The following NR3C2 variants were observed in gnomAD, a reference collection of about 807,000 sequenced individuals.
The protein encoded by NR3C2 is mineralocorticoid receptor.
NR3C2 carries 15 observed loss-of-function variants against 86.4 expected under a neutral mutation model. The observed-to-expected ratio is 0.17, with a 90% confidence interval of 0.12 to 0.27. The LOEUF (loss-of-function observed/expected upper bound fraction) is 0.27. NR3C2 is among the 10% of genes least tolerant of loss of function. NR3C2 has a pLI of 1.00. For missense variants in NR3C2, 960 were observed against 1,195.6 expected (o/e 0.80, Z 2.91); for synonymous variants, 458 against 450.5 (o/e 1.02, Z -0.21).
chr4:148,334,620 A>C (rs1418666893), intron 2 of NR3C2, among the ~76,000 whole-genome samples: 1 of 152,214 alleles, frequency 6.6e-6, no homozygotes, highest in Non-Finnish European at 1.5e-5. Context: ...TGTGGCCATA[A>C]TATGTTCTAG....
At chr4:148,237,167 G>C (rs1259804955) in intron 3 of NR3C2, among the ~76,000 whole-genome samples, 1 of 152,144 alleles carries the variant, frequency 6.6e-6, no homozygotes, top group African/African-American at 2.4e-5. Flanking sequence ...ACCAAACTGT[G>C]AAATTTGGGG....
chr4:148,419,194 A>G (rs570614410), intron 2 of NR3C2, among the ~76,000 whole-genome samples: 1 of 152,262 alleles, frequency 6.6e-6, no homozygotes, highest in Non-Finnish European at 1.5e-5. Flanking sequence ...ACTGGTGAAC[A>G]AACAACTCAA....
rs943905175 is a variant in NR3C2, at chr4:148,387,683, G to A, written c.1757+47421C>T. Among the ~76,000 whole-genome samples, 8 of 152,126 alleles carry A rather than the reference G, an allele frequency of 5.3e-5. No homozygotes were observed. The South Asian group carries it at 6.2e-4, about 12-fold the overall frequency. On this transcript the variant is annotated intron_variant, in intron 2 of 8. Transcript: ENST00000358102. ...CCCTGTAAAATACACTCATCTCAACGCATAAAGTGTTAAAAATGGTTGTAT... is the reference window on the plus strand; with the variant it reads ...CCCTGTAAAATACACTCATCTCAACACATAAAGTGTTAAAAATGGTTGTAT...
chr4:148,436,086 A>G lies in NR3C2; in HGVS notation c.775T>C (p.Ser259Pro). 1.9e-6 allele frequency: 3 copies of G among 1,614,086 alleles called. No individual in the cohort carries two copies. The highest frequency in any genetic ancestry group is 2.5e-6 in the Non-Finnish European group (3 of 1,180,006). The change falls in exon 2 of 9, where the codon TCT (serine) becomes CCT (proline). Residue 259 changes from serine to proline, a missense_variant. Around this residue, in one of 4 missense-constraint regions of NR3C2, gnomAD observed 680 missense variants for 719.0 expected, o/e 0.95. Transcript: ENST00000358102. ...CTACTTAACGGACTTGAGAGAGGAG[A>G]GCCCACATTGCTAGCATGTGCAGGG... ...HSPAHASNVGSPLSSPLSSMK... is the reference protein window; with the variant it reads ...HSPAHASNVGPPLSSPLSSMK...
chr4:148,402,615 T>C (rs1748223936), intron 2 of NR3C2, among the ~76,000 whole-genome samples: 2 of 152,216 alleles, frequency 1.3e-5, no homozygotes. Flanking sequence ...ATTATTTTTG[T>C]ATATGAACAC....
chr4:148,225,746 CAAA>C (rs2149832769), intron 3 of NR3C2, among the ~76,000 whole-genome samples: 1 of 152,076 alleles, frequency 6.6e-6, no homozygotes, highest in East Asian at 1.9e-4. Context: ...TTTTTATTAA[CAAA>C]AACCACATTC....
At chr4:148,339,417 T>C (rs72656820) in intron 2 of NR3C2, among the ~76,000 whole-genome samples, 7 of 152,182 alleles carry the variant, frequency 4.6e-5, no homozygotes, top group African/African-American at 1.7e-4. Flanking sequence ...TAGCTAAACA[T>C]TAACCCTAGA....
intron 2 of NR3C2, among the ~76,000 whole-genome samples, chr4:148,352,437 C>G (rs1185860308): frequency 6.8e-6 from 1 of 146,356 alleles, no homozygotes; most frequent in Non-Finnish European, 1.5e-5. Context: ...TCTCCTTGTT[C>G]ATCTAGCCAA....
chr4:148,130,646 C>T (rs1384316335), intron 6 of NR3C2, among the ~76,000 whole-genome samples: 1 of 152,018 alleles, frequency 6.6e-6, no homozygotes, highest in African/African-American at 2.4e-5. Context: ...TGGCAATAAA[C>T]AGGAACAGGT....
chr4:148,252,848 C>T (rs532441746), intron 3 of NR3C2, among the ~76,000 whole-genome samples: 1 of 152,200 alleles, frequency 6.6e-6, no homozygotes, highest in Non-Finnish European at 1.5e-5. Flanking sequence ...TTCATTTTGA[C>T]TCATGGAAAT....
Position 148,435,207 on chromosome 4 carries a change from G to C in NR3C2, c.1654C>G (p.Pro552Ala). ...QSFQHLSSFP[P>A]VNTLVESWKS... ...CATGACTCCACTAAAGTATTGACAGGAGGAAAGGAACTCAGGTGTTGGAAA... is the reference window on the plus strand; with the variant it reads ...CATGACTCCACTAAAGTATTGACAGCAGGAAAGGAACTCAGGTGTTGGAAA... Residue 552 changes from proline (P) to alanine (A), a missense_variant, in exon 2 of 9, where the codon CCT becomes GCT. Pro to Ala is a conservative substitution (Grantham distance 27, BLOSUM62 -1). This residue lies in a region of NR3C2 where 680 missense variants were observed against 719.0 expected (regional missense o/e 0.95). Transcript: ENST00000358102. 1 of 1,614,186 alleles carries C rather than the reference G, an allele frequency of 6.2e-7. No homozygotes were observed. The highest frequency in any genetic ancestry group is 1.1e-5 in the South Asian group (1 of 91,088).
intron 1 of NR3C2, among the ~76,000 whole-genome samples, chr4:148,440,387 C>T (rs1750276914): frequency 6.6e-6 from 1 of 152,224 alleles, no homozygotes; most frequent in Admixed American, 6.5e-5. Context: ...CCTGTACTAA[C>T]TAGTGAATAC....
At chr4:148,356,134 A>T (rs1275883672) in intron 2 of NR3C2, among the ~76,000 whole-genome samples, 1 of 152,236 alleles carries the variant, frequency 6.6e-6, no homozygotes, top group Non-Finnish European at 1.5e-5. Flanking sequence ...ATGCAAGGGA[A>T]TGAAAAGAGA....
At chr4:148,385,394 T>G (rs941448952) in intron 2 of NR3C2, among the ~76,000 whole-genome samples, 5 of 152,244 alleles carry the variant, frequency 3.3e-5, no homozygotes, top group Non-Finnish European at 7.3e-5. Flanking sequence ...TAGAATGTTT[T>G]AGTTTGAAGC....
At chr4:148,260,880 T>C (rs1036733515) in intron 2 of NR3C2, among the ~76,000 whole-genome samples, 1 of 152,188 alleles carries the variant, frequency 6.6e-6, no homozygotes, top group African/African-American at 2.4e-5. Flanking sequence ...CAAGATATAT[T>C]ATATAGTACT....
chr4:148,372,635 G>T (rs1374816694), intron 2 of NR3C2, among the ~76,000 whole-genome samples: 3 of 152,170 alleles, frequency 2.0e-5, no homozygotes, highest in African/African-American at 7.2e-5. Flanking sequence ...ATAAAAAGTG[G>T]CTTGTTTCCA....
In NR3C2 at chr4:148,411,948, T is replaced by A. The variant is rs148930281; in HGVS notation, c.1757+23156A>T. ...ACTTATAAAACTTAACGCTGCACAT[T>A]TTAGGGAGACAGCATCAATTTAAAA... is the stretch of plus-strand genomic sequence containing the variant. On this transcript the variant is annotated intron_variant, in intron 2 of 8. Coordinates refer to ENST00000358102, the MANE Select transcript of NR3C2 (RefSeq NM_000901.5). Among the ~76,000 whole-genome samples, 586 of 152,270 alleles carry A rather than the reference T, an allele frequency of 3.8e-3. 2 individuals are homozygous for A. The highest frequency in any genetic ancestry group is 5.4e-3 in the Non-Finnish European group (366 of 68,016).
At chr4:148,254,910 T>G (rs1458585002) in intron 3 of NR3C2, among the ~76,000 whole-genome samples, 1 of 152,122 alleles carries the variant, frequency 6.6e-6, no homozygotes, top group Non-Finnish European at 1.5e-5. Flanking sequence ...CTAATAAATA[T>G]ACATTAAATT....
At chr4:148,282,162 T>C (rs919607014) in intron 2 of NR3C2, among the ~76,000 whole-genome samples, 1 of 152,162 alleles carries the variant, frequency 6.6e-6, no homozygotes, top group Non-Finnish European at 1.5e-5. Context: ...CCACAGTAGC[T>C]GGGACTACAG....
Sources: allele counts gnomAD v4.1 joint callset (sites outside exome capture counted in the v4.1 genomes callset), GRCh38; gene constraint gnomAD v4.1.1; regional missense constraint gnomAD v4.1.1; transcripts MANE v1.5; gene names NCBI Gene and HGNC (gene_info 2026-07-23, HGNC 2026-07-21).